The following CSMD1 variants were observed in gnomAD, a reference collection of about 807,000 sequenced individuals.
CSMD1 encodes CUB and sushi domain-containing protein 1.
In CSMD1, 213 loss-of-function variants were observed where a neutral mutation model predicts 417.5. The observed-to-expected ratio is 0.51, with a 90% CI of 0.46 to 0.57. The LOEUF (loss-of-function observed/expected upper bound fraction) is 0.57, where lower values mean the gene tolerates loss of function less well. Ranked by LOEUF, CSMD1 falls within the 20% of genes least tolerant of loss-of-function variation. The probability of loss-of-function intolerance (pLI) is 0.00; values close to 1 mark genes in which losing one functional copy is unlikely to be tolerated. For synonymous variants in CSMD1, 2,862 were observed against 1,736.8 expected (o/e 1.65, Z -16.11); for missense variants, 6,923 against 4,529.7 (o/e 1.53, Z -15.17).
chr8:3,170,897 C>G (rs941992961), intron 37 of CSMD1, among the ~76,000 whole-genome samples: 8 of 152,174 alleles, frequency 5.3e-5, no homozygotes, highest in African/African-American at 1.9e-4. Flanking sequence ...AGTCAACACA[C>G]TTGGGTGATG....
chr8:4,603,412 T>C (rs1295484515), intron 2 of CSMD1, among the ~76,000 whole-genome samples: 3 of 152,114 alleles, frequency 2.0e-5, no homozygotes, highest in Non-Finnish European at 4.4e-5. Context: ...CCTCCATTAT[T>C]TGGAATTTTA....
intron 1 of CSMD1, among the ~76,000 whole-genome samples, chr8:4,890,966 T>C (rs1223027511): frequency 6.6e-6 from 1 of 152,072 alleles, no homozygotes; most frequent in East Asian, 1.9e-4. Context: ...ATTGGTGGTG[T>C]TTGATTTCAT....
chr8:3,654,707 G>A (rs7814775), intron 7 of CSMD1, among the ~76,000 whole-genome samples: 24,071 of 152,176 alleles, frequency 0.16, 2,677 homozygotes, highest in East Asian at 0.39. Context: ...GCCAGCACAG[G>A]GACACATTGG....
At chr8:3,540,199 C>T (rs28568312) in intron 10 of CSMD1, among the ~76,000 whole-genome samples, 5,906 of 152,156 alleles carry the variant, frequency 0.039, 337 homozygotes, top group African/African-American at 0.12. Context: ...AACCTTATTC[C>T]AATGTTTTAG....
At chr8:3,835,858 G>C (rs1408143329) in intron 5 of CSMD1, among the ~76,000 whole-genome samples, 2 of 151,908 alleles carry the variant, frequency 1.3e-5, no homozygotes, top group Non-Finnish European at 2.9e-5. Context: ...TGTACCTTTA[G>C]TGCCTCTGTA....
intron 5 of CSMD1, among the ~76,000 whole-genome samples, chr8:3,982,486 G>A (rs1443745546): frequency 1.3e-5 from 2 of 151,934 alleles, no homozygotes; most frequent in Admixed American, 6.6e-5. Context: ...TACTCCATAA[G>A]GACCAGAAAA....
At chr8:3,679,587 G>C (rs1279127050) in intron 7 of CSMD1, among the ~76,000 whole-genome samples, 2 of 152,050 alleles carry the variant, frequency 1.3e-5, no homozygotes, top group East Asian at 1.9e-4. Context: ...ATAATAATGG[G>C]AGTCTTTAAC....
At chr8:4,946,090 C>T (rs1443281882) in intron 1 of CSMD1, among the ~76,000 whole-genome samples, 1 of 152,144 alleles carries the variant, frequency 6.6e-6, no homozygotes, top group Non-Finnish European at 1.5e-5. Context: ...TCCACTTGCA[C>T]ACCCAGCTGT....
chr8:4,569,034 T>G (rs1175713921), intron 2 of CSMD1, among the ~76,000 whole-genome samples: 1 of 152,188 alleles, frequency 6.6e-6, no homozygotes, highest in East Asian at 1.9e-4. Flanking sequence ...GTCAGATGGA[T>G]AGATTGACAA....
intron 4 of CSMD1, among the ~76,000 whole-genome samples, chr8:4,011,817 A>C (rs1816560060): frequency 6.6e-6 from 1 of 152,182 alleles, no homozygotes. Flanking sequence ...CACTGGAATA[A>C]TATGTGCACA....
chr8:4,014,377 C>G (rs909600297), intron 4 of CSMD1, among the ~76,000 whole-genome samples: 3 of 152,140 alleles, frequency 2.0e-5, no homozygotes, highest in African/African-American at 7.2e-5. Flanking sequence ...CAAATTATGT[C>G]AATGCACATA....
intron 7 of CSMD1, among the ~76,000 whole-genome samples, chr8:3,634,968 C>G (rs1796960886): frequency 6.6e-6 from 1 of 152,118 alleles, no homozygotes; most frequent in Middle Eastern, 3.4e-3. Flanking sequence ...ATGCAGGCAA[C>G]TCTAACACAA....
chr8:3,752,676 C>CAAAAAAAAAAAA (rs200769696), intron 6 of CSMD1, among the ~76,000 whole-genome samples: 2 of 96,984 alleles, frequency 2.1e-5, no homozygotes, highest in African/African-American at 4.6e-5. Context: ...CCCCGCCTGG[C>CAAAAAAAAAAAA]AAAAAAAAAA....
intron 5 of CSMD1, among the ~76,000 whole-genome samples, chr8:3,781,410 G>C (rs538512890): frequency 5.9e-5 from 9 of 152,144 alleles, no homozygotes; most frequent in Non-Finnish European, 1.3e-4. Context: ...GTGAGGCCAG[G>C]TGGACTGGGA....
At chr8:4,404,470 ATGTT>A (rs1401550591) in intron 3 of CSMD1, among the ~76,000 whole-genome samples, 4 of 152,144 alleles carry the variant, frequency 2.6e-5, no homozygotes, top group East Asian at 1.9e-4. Flanking sequence ...AAGCCAAACT[ATGTT>A]TGAGGCATAT....
intron 3 of CSMD1, among the ~76,000 whole-genome samples, chr8:4,272,487 C>T (rs1022342419): frequency 2.0e-5 from 3 of 152,102 alleles, no homozygotes; most frequent in African/African-American, 7.2e-5. Context: ...GATAACTATA[C>T]ACGATCACAG....
chr8:3,962,478 CCT>C (rs968938712), intron 5 of CSMD1, among the ~76,000 whole-genome samples: 10 of 152,108 alleles, frequency 6.6e-5, no homozygotes, highest in African/African-American at 1.7e-4. Flanking sequence ...GATGTCACCC[CCT>C]GTTTATGACA....
chr8:4,334,728 G>C (rs967348582), intron 3 of CSMD1, among the ~76,000 whole-genome samples: 6 of 152,140 alleles, frequency 3.9e-5, no homozygotes, highest in Non-Finnish European at 7.4e-5. Context: ...TATTTGCATA[G>C]ATACTTGAAC....
chr8:3,912,578 G>C (rs992481621), intron 5 of CSMD1, among the ~76,000 whole-genome samples: 8 of 152,186 alleles, frequency 5.3e-5, no homozygotes, highest in African/African-American at 7.2e-5. Flanking sequence ...GGAGATGAAA[G>C]TTGAAGCATG....
Sources: allele counts gnomAD v4.1 joint callset (sites outside exome capture counted in the v4.1 genomes callset), GRCh38; gene constraint gnomAD v4.1.1; transcripts MANE v1.5; gene names NCBI Gene and HGNC (gene_info 2026-07-23, HGNC 2026-07-21).